The following ADGRL3 variants were observed in gnomAD, a reference collection of about 807,000 sequenced individuals.
The protein encoded by ADGRL3 is calcium-independent alpha-latrotoxin receptor 3.
In ADGRL3, 62 loss-of-function variants were observed where a neutral mutation model predicts 153.5. The ratio of observed to expected loss-of-function variants is 0.40; its 90% CI spans 0.33 to 0.50. The LOEUF is 0.50. Among genes scored for constraint, ADGRL3 ranks in the 20% least tolerant of loss-of-function variants. ADGRL3 has a pLI of 0.47. For missense variants in ADGRL3, 1,641 were observed against 1,859.4 expected, an observed-to-expected ratio of 0.88 and a Z score of 2.16; for synonymous variants, 710 against 672.5, an observed-to-expected ratio of 1.06 and a Z score of -0.86.
chr4:61,242,464 A>G lies in ADGRL3; in HGVS notation c.-240+40699A>G, dbSNP rs371741262. Among the ~76,000 whole-genome samples the G allele has an allele frequency of 9.2e-5, 14 of 151,976 alleles. No individual in the cohort carries two copies. The South Asian group carries it at 2.3e-3, about 25-fold the overall frequency. On this transcript the variant is annotated intron_variant, in intron 1 of 26. Transcript: ENST00000683033. ...GCCTTCTGCAATTTTTCTTTTTTCT[A>G]TTATCTCATATATTGATTTATATTT...
intron 1 of ADGRL3, among the ~76,000 whole-genome samples, chr4:61,234,245 T>C (rs529205392): frequency 2.0e-5 from 3 of 152,178 alleles, no homozygotes; most frequent in South Asian, 2.1e-4. Flanking sequence ...CTCAGAATCA[T>C]GGCGGGAGGC....
chr4:61,208,365 T>G (rs535282283), intron 1 of ADGRL3, among the ~76,000 whole-genome samples: 5 of 152,304 alleles, frequency 3.3e-5, no homozygotes, highest in Non-Finnish European at 7.4e-5. Context: ...TTATGAAGAT[T>G]TAATTGGTAA....
chr4:61,755,994 C>G (rs1035568706), intron 8 of ADGRL3, among the ~76,000 whole-genome samples: 1 of 152,106 alleles, frequency 6.6e-6, no homozygotes, highest in Admixed American at 6.5e-5. Context: ...TGTTTTGGTA[C>G]CAGTACCATG....
At chr4:61,852,709 G>A (rs1336047056) in intron 9 of ADGRL3, among the ~76,000 whole-genome samples, 1 of 152,134 alleles carries the variant, frequency 6.6e-6, no homozygotes, top group Non-Finnish European at 1.5e-5. Flanking sequence ...GTTAGAATGT[G>A]TAAAATTAAA....
intron 21 of ADGRL3, among the ~76,000 whole-genome samples, chr4:62,015,184 G>T (rs921709278): frequency 6.6e-6 from 1 of 152,158 alleles, no homozygotes; most frequent in African/African-American, 2.4e-5. Context: ...AGAACCAATT[G>T]TTGCTGGTTT....
intron 1 of ADGRL3, among the ~76,000 whole-genome samples, chr4:61,265,296 A>C (rs1286949469): frequency 1.3e-5 from 2 of 151,944 alleles, no homozygotes; most frequent in African/African-American, 4.8e-5. Context: ...ATCTTTATTC[A>C]TCACATTCAC....
intron 1 of ADGRL3, among the ~76,000 whole-genome samples, chr4:61,321,753 T>G (rs2095360785): frequency 1.3e-5 from 2 of 152,080 alleles, no homozygotes; most frequent in African/African-American, 4.8e-5. Context: ...GATATTATAA[T>G]CTTATGGGAC....
In ADGRL3 at chr4:61,676,835, C is replaced by T. The variant is rs1463836215; in HGVS notation, c.483C>T (p.Asn161=). Residue 161 remains asparagine (N), a synonymous_variant, in exon 6 of 27, where the codon AAC becomes AAT. Transcript: ENST00000683033. ...TTTCTTTTGACTTCAGATGCAATAACAGAACCCAGTGTGCAGTGGTGGCAG... is the reference window on the plus strand; with the variant it reads ...TTTCTTTTGACTTCAGATGCAATAATAGAACCCAGTGTGCAGTGGTGGCAG... ...AYKIMSQRCN[N]RTQCAVVAGP... 1 of 1,610,814 alleles carries T rather than the reference C, an allele frequency of 6.2e-7. No individual in the cohort carries two copies. The highest frequency in any genetic ancestry group is 8.5e-7 in the Non-Finnish European group (1 of 1,177,542).
At chr4:61,525,484 C>G (rs1169808151) in intron 4 of ADGRL3, among the ~76,000 whole-genome samples, 1 of 152,126 alleles carries the variant, frequency 6.6e-6, no homozygotes. Context: ...GGGTGAGACT[C>G]TGTACATAAT....
intron 21 of ADGRL3, among the ~76,000 whole-genome samples, chr4:62,005,967 T>C (rs931175818): frequency 6.5e-4 from 44 of 67,706 alleles, no homozygotes; most frequent in South Asian, 2.8e-3. Flanking sequence ...TATATACACA[T>C]ACACACACAC....
In ADGRL3 at chr4:61,935,040, A is replaced by G. The variant is rs1250429511; in HGVS notation, c.2296+17A>G. 1 of 1,609,434 alleles carries G rather than the reference A, an allele frequency of 6.2e-7. No homozygotes were observed. Among genetic ancestry groups the G allele is most frequent in the Non-Finnish European group, 8.5e-7 (1 of 1,176,078 alleles). On this transcript the variant is annotated intron_variant, in intron 14 of 26. Coordinates refer to ENST00000683033, the MANE Select transcript of ADGRL3 (RefSeq NM_001387552.1). ...ACAATATTAGTAAGTGGCCTTTGTT[A>G]TTCAGAAGGTCCAGACACTCTTGTA...
In ADGRL3 at chr4:61,912,702, T is replaced by C. The variant is rs1190420648; in HGVS notation, c.2074-17T>C. 4 of 1,612,012 alleles carry C rather than the reference T, an allele frequency of 2.5e-6. No homozygotes were observed. In the South Asian group the frequency reaches 3.3e-5, roughly 13 times the overall value. ...TTTTTCTATTCTGTGTTTAATCTGC[T>C]GTCTTAATGGATTCAGCTTCAGAAA... On this transcript the variant is annotated splice_polypyrimidine_tract_variant and intron_variant, in intron 12 of 26. Coordinates refer to ENST00000683033, the MANE Select transcript of ADGRL3 (RefSeq NM_001387552.1).
intron 2 of ADGRL3, among the ~76,000 whole-genome samples, chr4:61,476,379 G>T (rs1315554344): frequency 6.6e-6 from 1 of 151,688 alleles, no homozygotes; most frequent in South Asian, 2.1e-4. Context: ...GGCACACACC[G>T]CCATGCCTGG....
chr4:61,236,749 T>C (rs2149266566), intron 1 of ADGRL3, among the ~76,000 whole-genome samples: 1 of 152,296 alleles, frequency 6.6e-6, no homozygotes, highest in Admixed American at 6.5e-5. Context: ...ATAATTTCTT[T>C]GAAATATAAT....
At chr4:61,389,672 A>C (rs755432289) in intron 2 of ADGRL3, among the ~76,000 whole-genome samples, 2 of 152,132 alleles carry the variant, frequency 1.3e-5, no homozygotes, top group Non-Finnish European at 2.9e-5. Context: ...CACAGTCAGA[A>C]TGTGTGGGAT....
At chr4:61,242,576 C>T (rs776852606) in intron 1 of ADGRL3, among the ~76,000 whole-genome samples, 9 of 151,968 alleles carry the variant, frequency 5.9e-5, no homozygotes, top group Non-Finnish European at 7.4e-5. Context: ...TGAACCCCAA[C>T]GAAAACCAGT....
At chr4:61,584,480 G>A (rs567859793) in intron 4 of ADGRL3, among the ~76,000 whole-genome samples, 3 of 152,078 alleles carry the variant, frequency 2.0e-5, no homozygotes, top group African/African-American at 7.2e-5. Flanking sequence ...CTATGTCAAT[G>A]TATTGACAAA....
chr4:61,763,976 T>G (rs2152231920), intron 8 of ADGRL3, among the ~76,000 whole-genome samples: 1 of 152,318 alleles, frequency 6.6e-6, no homozygotes, highest in South Asian at 2.1e-4. Context: ...ATAGCTATTT[T>G]TATTAAACCA....
intron 2 of ADGRL3, among the ~76,000 whole-genome samples, chr4:61,459,527 T>C (rs932108297): frequency 5.3e-5 from 8 of 152,066 alleles, no homozygotes; most frequent in Admixed American, 2.6e-4. Flanking sequence ...GGTAAAGAGG[T>C]ATCTTCGATA....
Sources: gnomAD v4.1 joint callset for allele counts (sites outside exome capture counted in the v4.1 genomes callset) on GRCh38, gnomAD v4.1.1 for gene constraint, MANE v1.5 for transcripts, NCBI Gene and HGNC (gene_info 2026-07-23, HGNC 2026-07-21) for gene names.